Variants in SCN8A observed in about 807,000 individuals in gnomAD.
The protein encoded by SCN8A is sodium channel protein type 8 subunit alpha.
In SCN8A, 30 loss-of-function variants were observed where a neutral mutation model predicts 184.1. That is an observed-to-expected ratio of 0.16 (90% CI 0.12 to 0.22). The LOEUF (loss-of-function observed/expected upper bound fraction) is 0.22. Ranked by LOEUF, SCN8A falls within the 10% of genes least tolerant of loss-of-function variation. The pLI is 1.00. For synonymous variants in SCN8A, 852 were observed against 907.0 expected (o/e 0.94, Z 1.09); for missense variants, 1,057 against 2,498.9 (o/e 0.42, Z 12.30).
chr12:51,729,364 C>A (rs1186239585), intron 12 of SCN8A, among the ~76,000 whole-genome samples: 1 of 152,216 alleles, frequency 6.6e-6, no homozygotes, highest in Non-Finnish European at 1.5e-5. Flanking sequence ...CAGGCAACCA[C>A]TTCTGACTCG....
intron 1 of SCN8A, among the ~76,000 whole-genome samples, chr12:51,640,511 T>G (rs1396141697): frequency 6.6e-6 from 1 of 151,732 alleles, no homozygotes; most frequent in Non-Finnish European, 1.5e-5. Flanking sequence ...CAAGCAGCAA[T>G]AGGTAAGATA....
In SCN8A at chr12:51,769,083, G is replaced by A; in HGVS notation, c.3120G>A (p.Lys1040=). The A allele has an allele frequency of 1.2e-6, 2 of 1,613,910 alleles. No individual in the cohort carries two copies. Among genetic ancestry groups the A allele is most frequent in the Non-Finnish European group, 1.7e-6 (2 of 1,179,836 alleles). Residue 1040 remains lysine (K), a synonymous_variant, in exon 17 of 27, where the codon AAG becomes AAA. Transcript: ENST00000627620. ...EVKPLDELYE[K]KANCIANHTG... is the part of the protein sequence containing the mutation. ...AGCCTCTGGATGAGTTGTATGAAAA[G>A]AAGGCCAACTGTATCGCCAATCACA...
Position 51,807,885 on chromosome 12 carries a change from A to C in SCN8A, c.*456A>C, listed in dbSNP as rs1028005060. On this transcript the variant is annotated 3_prime_UTR_variant, in exon 27 of 27. Coordinates refer to ENST00000627620, the MANE Select transcript of SCN8A (RefSeq NM_001330260.2). This position sits in a 1 kb window ranked among gnomAD's most constrained non-coding sequence, Gnocchi z 4.5. ...TAGTTAAGCTAAGCAGCAAAAAGAA[A>C]ACACACACACACACTCACATTTAGC... is the stretch of plus-strand genomic sequence containing the variant. The C allele has an allele frequency of 1.2e-4, 23 of 196,564 alleles. No homozygotes were observed. Among genetic ancestry groups the C allele is most frequent in the African/African-American group, 4.7e-4 (20 of 42,268 alleles). The allele number at this position is 196,564 out of a possible 1,614,324, so 12.2% of individuals were successfully genotyped here.
intron 1 of SCN8A, among the ~76,000 whole-genome samples, chr12:51,614,602 T>G (rs1480731772): frequency 6.6e-6 from 1 of 152,144 alleles, no homozygotes; most frequent in Non-Finnish European, 1.5e-5. Flanking sequence ...GACATTTACA[T>G]TGGTATAATA....
chr12:51,774,223 C>A lies in SCN8A; in HGVS notation c.3680C>A (p.Thr1227Asn). ...FEDIYIEQRK[T>N]IRTILEYADK... The stretch of plus-strand genomic sequence containing the variant: ...GACATCTACATTGAGCAGAGAAAGA[C>A]CATCCGCACCATCCTGGAATATGCT... Residue 1227 changes from threonine to asparagine, a missense_variant, in exon 20 of 27, where the codon ACC (threonine) becomes AAC (asparagine). Transcript: ENST00000627620. 1 of 1,613,568 alleles carries A rather than the reference C, an allele frequency of 6.2e-7. No homozygotes were observed. The highest frequency in any genetic ancestry group is 8.5e-7 in the Non-Finnish European group (1 of 1,179,642).
intron 2 of SCN8A, among the ~76,000 whole-genome samples, chr12:51,682,433 G>T (rs1271942513): frequency 1.3e-5 from 2 of 152,132 alleles, no homozygotes; most frequent in African/African-American, 4.8e-5. Context: ...CTGGTCCTGG[G>T]CTCTTCTTTG....
chr12:51,663,326 C>A (rs1456082730), intron 2 of SCN8A, among the ~76,000 whole-genome samples: 3 of 151,820 alleles, frequency 2.0e-5, no homozygotes, highest in African/African-American at 7.3e-5. Context: ...CAGGCCAGAT[C>A]AGAAAAAGGG....
At chr12:51,770,486 G>A in intron 18 of SCN8A, 43 bp from the exon 19 acceptor site, 1 of 1,520,824 alleles carries the variant, frequency 6.6e-7, no homozygotes, top group Non-Finnish European at 8.9e-7. Flanking sequence ...GTCTGGGCGG[G>A]GCACGTTTCC....
intron 15 of SCN8A, 54 bp downstream of exon 15, chr12:51,762,730 A>G: frequency 7.0e-7 from 1 of 1,424,072 alleles, no homozygotes; most frequent in Non-Finnish European, 9.5e-7. Context: ...CAGCTACTAG[A>G]AAGAGTTCTG....
chr12:51,672,820 G>C (rs1238827694), intron 2 of SCN8A, among the ~76,000 whole-genome samples: 1 of 152,130 alleles, frequency 6.6e-6, no homozygotes, highest in Admixed American at 6.5e-5. Flanking sequence ...GCCAGTACTA[G>C]GGATATCTCA....
rs147198521 is a variant in SCN8A, at chr12:51,617,367, T to A, written c.-55+26008T>A. The stretch of plus-strand genomic sequence containing the variant: ...ATTTTCAAGTTCATCAACTATTCTG[T>A]CATCTCTATTATACTATTGAGCCCA... On this transcript the variant is annotated intron_variant, in intron 1 of 26. Transcript: ENST00000627620. Among the ~76,000 whole-genome samples, 24 of 152,322 alleles carry A rather than the reference T, an allele frequency of 1.6e-4. No individual in the cohort carries two copies. In the East Asian group the frequency reaches 4.6e-3, roughly 29 times the overall value.
At position 51,691,855 on chromosome 12, in the gene SCN8A, A is replaced by G. The variant is rs147559683; in HGVS notation, c.706+2759A>G. Among the ~76,000 whole-genome samples the G allele has an allele frequency of 6.6e-5, 10 of 152,302 alleles. No homozygotes were observed. The East Asian group carries it at 1.9e-3, about 29-fold the overall frequency. ...CTCATGGGAAGTTTTCTCTCATCCC[A>G]TGGGAAATTCTGAAATTGCTGATTA... On this transcript the variant is annotated intron_variant, in intron 6 of 26. Coordinates refer to ENST00000627620, the MANE Select transcript of SCN8A (RefSeq NM_001330260.2).
At chr12:51,645,898 C>G (rs2138641647) in intron 1 of SCN8A, among the ~76,000 whole-genome samples, 1 of 146,390 alleles carries the variant, frequency 6.8e-6, no homozygotes, top group East Asian at 2.0e-4. Context: ...CCACTATTGT[C>G]CTGTGACCCT....
intron 6 of SCN8A, among the ~76,000 whole-genome samples, chr12:51,690,493 C>T (rs780733757): frequency 1.3e-5 from 2 of 152,008 alleles, no homozygotes; most frequent in African/African-American, 4.8e-5. Context: ...GCTGAGACCA[C>T]AGGTGCATGC....
At chr12:51,650,661 G>T (rs1940691988) in intron 1 of SCN8A, among the ~76,000 whole-genome samples, 1 of 152,106 alleles carries the variant, frequency 6.6e-6, no homozygotes, top group African/African-American at 2.4e-5. Flanking sequence ...ACTGTGACAT[G>T]TTCATGATGG....
intron 1 of SCN8A, among the ~76,000 whole-genome samples, chr12:51,617,871 T>A (rs1939874169): frequency 6.6e-6 from 1 of 152,198 alleles, no homozygotes; most frequent in Non-Finnish European, 1.5e-5. Flanking sequence ...ATGTCCCAGC[T>A]AGTGGCCAGT....
At chr12:51,668,519 T>C (rs1011755659) in intron 2 of SCN8A, among the ~76,000 whole-genome samples, 12 of 152,210 alleles carry the variant, frequency 7.9e-5, no homozygotes, top group Non-Finnish European at 7.3e-5. Context: ...CTGCTGAAGC[T>C]GGGCAGGGAA....
At chr12:51,668,721 A>G (rs546793417) in intron 2 of SCN8A, among the ~76,000 whole-genome samples, 11 of 152,290 alleles carry the variant, frequency 7.2e-5, no homozygotes, top group Admixed American at 2.6e-4. Flanking sequence ...CTTATTATCA[A>G]TACCGCCAGT....
At chr12:51,780,342 C>G (rs1937858715) in intron 20 of SCN8A, 3 of 363,706 alleles carry the variant, frequency 8.2e-6, no homozygotes, top group South Asian at 6.4e-5. Flanking sequence ...CCTCTCCTGT[C>G]AGCCTCTCCC....
Sources: gnomAD v4.1 joint callset for allele counts (sites outside exome capture counted in the v4.1 genomes callset) on GRCh38, gnomAD v4.1.1 for gene constraint, Gnocchi (gnomAD v3.1) non-coding constraint, MANE v1.5 for transcripts, NCBI Gene and HGNC (gene_info 2026-07-23, HGNC 2026-07-21) for gene names.